Variants in LRRC2 observed in about 807,000 individuals in gnomAD.
The protein encoded by LRRC2 is leucine rich repeat containing 2, also known as leucine-rich repeat-containing protein 2.
LRRC2 carries 27 observed loss-of-function variants against 40.2 expected under a neutral mutation model. That is an observed-to-expected ratio of 0.67 (90% confidence interval 0.49 to 0.93). LRRC2 has a LOEUF of 0.93. Among genes scored for constraint, LRRC2 ranks in the 40% least tolerant of loss-of-function variants. The pLI is 0.00. For synonymous variants in LRRC2, 147 were observed against 158.9 expected (o/e 0.92, Z 0.56); for missense variants, 402 against 439.6 (o/e 0.91, Z 0.76).
In LRRC2 at chr3:46,549,033, C is replaced by G. The variant is rs377094449; in HGVS notation, c.125+2434G>C. On this transcript the variant is annotated intron_variant, in intron 2 of 8. Transcript: ENST00000395905. Reference sequence around the variant, plus strand: ...AAAAGGCCAGCCCAGGGCTTGGGAACCTCCGCTCCAAATGATCAAGTTTCA... The same window carrying G: ...AAAAGGCCAGCCCAGGGCTTGGGAAGCTCCGCTCCAAATGATCAAGTTTCA... Among the ~76,000 whole-genome samples the G allele has an allele frequency of 6.2e-4, 94 of 152,284 alleles. No individual in the cohort carries two copies. In the East Asian group the frequency reaches 7.1e-3, roughly 12 times the overall value.
rs1322800271 is a variant in LRRC2, at chr3:46,515,396, A to G, written c.*3618T>C. 1 of 152,164 alleles carries G rather than the reference A, an allele frequency of 6.6e-6. No individual in the cohort carries two copies. The highest frequency in any genetic ancestry group is 2.4e-5 in the African/African-American group (1 of 41,454). The allele number at this position is 152,164 out of a possible 1,614,324, so 9.4% of individuals were successfully genotyped here. ...TTAGAACCAGAACATTTTTCTTCTAAGAATATTTTATTCTTTCATTCATAT... is the reference window on the plus strand; with the variant it reads ...TTAGAACCAGAACATTTTTCTTCTAGGAATATTTTATTCTTTCATTCATAT... On this transcript the variant is annotated 3_prime_UTR_variant, in exon 9 of 9. Transcript: ENST00000395905.
At chr3:46,527,038 T>C (rs1438657517) in intron 7 of LRRC2, among the ~76,000 whole-genome samples, 1 of 152,176 alleles carries the variant, frequency 6.6e-6, no homozygotes, top group African/African-American at 2.4e-5. Flanking sequence ...TTTTTCTTAG[T>C]TGTGGGTGGT....
chr3:46,564,587 C>A (rs937283972), intron 1 of LRRC2, among the ~76,000 whole-genome samples: 9 of 151,512 alleles, frequency 5.9e-5, no homozygotes, highest in African/African-American at 2.2e-4. Flanking sequence ...AGACTCACCT[C>A]ATCATGCAGG....
intron 5 of LRRC2, among the ~76,000 whole-genome samples, chr3:46,531,466 A>G (rs1245838912): frequency 4.6e-5 from 7 of 152,208 alleles, no homozygotes; most frequent in Admixed American, 4.6e-4. Flanking sequence ...GACAGACAAC[A>G]CTGTCTTGAC....
chr3:46,548,638 G>T lies in LRRC2; in HGVS notation c.125+2829C>A, dbSNP rs142740115. Reference sequence around the variant, plus strand: ...CTTAGGAAAGGAAACCACAATCCCAGCCCAGATGGCAAACAGCCTCAATGG... The same window carrying T: ...CTTAGGAAAGGAAACCACAATCCCATCCCAGATGGCAAACAGCCTCAATGG... On this transcript the variant is annotated intron_variant, in intron 2 of 8. Transcript: ENST00000395905. Among the ~76,000 whole-genome samples, 645 of 152,284 alleles carry T rather than the reference G, an allele frequency of 4.2e-3. 10 individuals carry two copies. The highest frequency in any genetic ancestry group is 0.015 in the African/African-American group (607 of 41,544).
chr3:46,526,379 G>A (rs1301072878), intron 7 of LRRC2, among the ~76,000 whole-genome samples: 3 of 152,146 alleles, frequency 2.0e-5, no homozygotes, highest in Non-Finnish European at 4.4e-5. Flanking sequence ...AAGCTGCCAA[G>A]CCTGCTTCCA....
rs529917187 is a variant in LRRC2 at position 46,540,295 on chromosome 3, C to T, written c.334-1094G>A. Among the ~76,000 whole-genome samples the T allele has an allele frequency of 1.2e-4, 19 of 152,224 alleles. No individual in the cohort carries two copies. In the South Asian group the frequency reaches 1.7e-3, roughly 13 times the overall value. ...ATCCCAGCAATTTGGGAGGCCAAGG[C>T]GGGTGAATCACCTGAGGTCAGGAGT... On this transcript the variant is annotated intron_variant, in intron 3 of 8. Transcript: ENST00000395905.
intron 1 of LRRC2, among the ~76,000 whole-genome samples, chr3:46,552,835 G>T (rs1010411286): frequency 2.7e-5 from 4 of 149,360 alleles, no homozygotes; most frequent in African/African-American, 9.9e-5. Flanking sequence ...ACAAACCATT[G>T]ATCTCTGTTT....
At chr3:46,535,085 C>A (rs983526413) in intron 4 of LRRC2, among the ~76,000 whole-genome samples, 5 of 152,160 alleles carry the variant, frequency 3.3e-5, no homozygotes, top group African/African-American at 1.2e-4. Context: ...TCAATACTTA[C>A]GTTTGGTAAA....
At position 46,518,939 on chromosome 3, in the gene LRRC2, C is replaced by T. The variant is rs1389357219; in HGVS notation, c.*75G>A. On this transcript the variant is annotated 3_prime_UTR_variant, in exon 9 of 9. Transcript: ENST00000395905. Reference sequence around the variant, plus strand: ...TGTCCTTAAGCACAAGCCATTCTTCCTATATGACATGATCATAACAAAGAT... The same window carrying T: ...TGTCCTTAAGCACAAGCCATTCTTCTTATATGACATGATCATAACAAAGAT... 10 of 1,019,762 alleles carry T rather than the reference C, an allele frequency of 9.8e-6. No individual in the cohort carries two copies. Among genetic ancestry groups the T allele is most frequent in the Admixed American group, 1.7e-5 (1 of 57,532 alleles). 63.2% of individuals were successfully genotyped at this position (1,019,762 alleles called of 1,614,324 possible). A position where few individuals can be genotyped will look rare whatever the true frequency, so the allele number is the denominator to read the frequency against.
chr3:46,517,290 T>A lies in LRRC2; in HGVS notation c.*1724A>T, dbSNP rs550812053. The A allele has an allele frequency of 6.6e-6, 1 of 151,852 alleles. No homozygotes were observed. Among genetic ancestry groups the A allele is most frequent in the South Asian group, 2.1e-4 (1 of 4,794 alleles). The allele number at this position is 151,852 out of a possible 1,614,324, so 9.4% of individuals were successfully genotyped here. ...ACAAAAGCTGCTTGTTTTTGTTTTT[T>A]TTTTTTTAGTTATAACAATAATAAT... is the stretch of plus-strand genomic sequence containing the variant. On this transcript the variant is annotated 3_prime_UTR_variant, in exon 9 of 9. Transcript: ENST00000395905.
intron 3 of LRRC2, 86 bp from the exon 4 acceptor site, chr3:46,539,287 GA>G (rs1307160639): frequency 3.0e-6 from 4 of 1,338,140 alleles, no homozygotes; most frequent in Admixed American, 2.1e-5. Context: ...TTTAAAACAG[GA>G]AGTGAGAAAG....
chr3:46,524,958 C>A (rs952557470), intron 7 of LRRC2, among the ~76,000 whole-genome samples: 1 of 152,154 alleles, frequency 6.6e-6, no homozygotes, highest in Non-Finnish European at 1.5e-5. Context: ...ATGAAAATTC[C>A]TATATCATGT....
rs113949979 is a variant in LRRC2, at chr3:46,518,182, C to T, written c.*832G>A. The T allele has an allele frequency of 1.4e-4, 21 of 152,268 alleles. 1 individual carries two copies. Among genetic ancestry groups the T allele is most frequent in the African/African-American group, 4.8e-4 (20 of 41,550 alleles). The allele number at this position is 152,268 out of a possible 1,614,324, so 9.4% of individuals were successfully genotyped here. ...TTCTTCAAGGCCTAGATTGTACCTA[C>T]AAGTCTCTCCTGGGAGTCTACACTT... On this transcript the variant is annotated 3_prime_UTR_variant, in exon 9 of 9. Transcript: ENST00000395905.
At chr3:46,521,360 A>G (rs1703960612) in intron 8 of LRRC2, among the ~76,000 whole-genome samples, 162 bp downstream of exon 8, 3 of 152,232 alleles carry the variant, frequency 2.0e-5, no homozygotes, top group African/African-American at 7.2e-5. Context: ...AAGGAAATGT[A>G]TCATTTGGAG....
At chr3:46,521,885 G>T (rs1703969970) in intron 7 of LRRC2, among the ~76,000 whole-genome samples, 1 of 152,134 alleles carries the variant, frequency 6.6e-6, no homozygotes, top group Non-Finnish European at 1.5e-5. Context: ...ATGGGGAAAT[G>T]AGAGCTCCCT....
chr3:46,565,011 T>C (rs1175874418), intron 1 of LRRC2, among the ~76,000 whole-genome samples: 2 of 152,166 alleles, frequency 1.3e-5, no homozygotes, highest in African/African-American at 2.4e-5. Context: ...ACGCAGTGAG[T>C]TTTCTGATAG....
intron 1 of LRRC2, chr3:46,559,200 G>A (rs1457917746): frequency 2.6e-5 from 4 of 152,054 alleles, no homozygotes; most frequent in African/African-American, 9.7e-5. Context: ...TTTGGCTTTC[G>A]ACTTAAAAGT....
intron 7 of LRRC2, among the ~76,000 whole-genome samples, chr3:46,522,209 T>A (rs1269062988): frequency 6.6e-6 from 1 of 151,862 alleles, no homozygotes; most frequent in Non-Finnish European, 1.5e-5. Flanking sequence ...ACCCTGTCTC[T>A]ACTAAAAATA....
Sources: allele counts gnomAD v4.1 joint callset (sites outside exome capture counted in the v4.1 genomes callset), GRCh38; gene constraint gnomAD v4.1.1; transcripts MANE v1.5; gene names NCBI Gene and HGNC (gene_info 2026-07-23, HGNC 2026-07-21).